MCPH1: variants seen among roughly 807,000 people sequenced by gnomAD.
MCPH1 encodes microcephalin 1.
In MCPH1, 104 loss-of-function variants were observed where a neutral mutation model predicts 84.5. The ratio of observed to expected loss-of-function variants is 1.23; its 90% CI spans 1.05 to 1.45. The LOEUF is 1.45. Ranked by LOEUF, MCPH1 falls within the 40% of genes most tolerant of loss-of-function variation. The pLI, the probability that MCPH1 is intolerant of heterozygous loss-of-function variation, is 0.00. For synonymous variants in MCPH1, 514 were observed against 366.8 expected (o/e 1.40, Z -4.58); for missense variants, 1,498 against 1,005.7 (o/e 1.49, Z -6.62).
chr8:6,482,616 G>A (rs1407213743), intron 11 of MCPH1, among the ~76,000 whole-genome samples: 4 of 152,216 alleles, frequency 2.6e-5, no homozygotes, highest in African/African-American at 9.6e-5. Flanking sequence ...TCTGGGACTT[G>A]GAGCAGTCCA....
intron 3 of MCPH1, among the ~76,000 whole-genome samples, chr8:6,421,185 G>C (rs1406419039): frequency 1.3e-5 from 2 of 152,096 alleles, no homozygotes; most frequent in Admixed American, 1.3e-4. Context: ...GTGCATGCCC[G>C]GGAAATGGCC....
intron 11 of MCPH1, among the ~76,000 whole-genome samples, chr8:6,496,723 T>C (rs1811274887): frequency 1.3e-5 from 2 of 152,188 alleles, no homozygotes; most frequent in African/African-American, 2.4e-5. Context: ...AAATTGTGAA[T>C]GTTAATAAAT....
intron 12 of MCPH1, among the ~76,000 whole-genome samples, chr8:6,536,840 G>T (rs932579033): frequency 1.3e-5 from 2 of 152,002 alleles, no homozygotes; most frequent in African/African-American, 4.8e-5. Context: ...TTATTTTCTA[G>T]TTTATTGTCC....
At chr8:6,587,637 G>A (rs1828103703) in intron 12 of MCPH1, among the ~76,000 whole-genome samples, 3 of 152,110 alleles carry the variant, frequency 2.0e-5, no homozygotes. Context: ...GCAGTCTTGG[G>A]GCCTGGATGG....
intron 13 of MCPH1, among the ~76,000 whole-genome samples, chr8:6,631,557 G>A (rs1266132125): frequency 6.6e-6 from 1 of 151,222 alleles, no homozygotes; most frequent in Non-Finnish European, 1.5e-5. Flanking sequence ...ATAGGCAAAT[G>A]AAAAGATGCT....
At chr8:6,414,613 G>C in intron 2 of MCPH1, 152 bp from the exon 3 acceptor site, 2 of 698,276 alleles carry the variant, frequency 2.9e-6, no homozygotes, top group Non-Finnish European at 2.3e-6. Context: ...AACTGGAACA[G>C]ATATGTTTTA....
rs1210952781 is a variant in MCPH1, at chr8:6,523,007, T to C, written c.2214+23078T>C. On this transcript the variant is annotated intron_variant, in intron 12 of 13. Transcript: ENST00000344683. ...CAAGCCCTTGAAAAGTTTTTTTTTT[T>C]CTTTTTTTGAGATGGAGTCTCGCTC... Among the ~76,000 whole-genome samples, 3 of 152,062 alleles carry C rather than the reference T, an allele frequency of 2.0e-5. No homozygotes were observed. The East Asian group carries it at 5.8e-4, about 29-fold the overall frequency.
At chr8:6,535,425 T>G (rs73507126) in intron 12 of MCPH1, among the ~76,000 whole-genome samples, 3,351 of 152,244 alleles carry the variant, frequency 0.022, 128 homozygotes, top group African/African-American at 0.076. Context: ...ATAAAAACAA[T>G]AGAATGCAAG....
At chr8:6,466,452 C>A (rs527313493) in intron 9 of MCPH1, among the ~76,000 whole-genome samples, 3 of 152,198 alleles carry the variant, frequency 2.0e-5, no homozygotes, top group Admixed American at 2.0e-4. Context: ...GGAGTACAGG[C>A]GCGTGCCACC....
intron 2 of MCPH1, among the ~76,000 whole-genome samples, chr8:6,412,906 G>A (rs1798738126): frequency 6.6e-6 from 1 of 152,170 alleles, no homozygotes; most frequent in African/African-American, 2.4e-5. Context: ...ACAATGAAAA[G>A]AAAGAGAAAC....
chr8:6,591,432 C>T (rs1297332809), intron 12 of MCPH1, among the ~76,000 whole-genome samples: 3 of 152,084 alleles, frequency 2.0e-5, no homozygotes, highest in East Asian at 1.9e-4. Flanking sequence ...ACTGCTGGCC[C>T]GTGAAGCCAT....
At chr8:6,536,301 G>C (rs1034815176) in intron 12 of MCPH1, among the ~76,000 whole-genome samples, 1 of 152,102 alleles carries the variant, frequency 6.6e-6, no homozygotes, top group African/African-American at 2.4e-5. Flanking sequence ...CGGGATCCCA[G>C]GCGCCTCACA....
intron 2 of MCPH1, among the ~76,000 whole-genome samples, chr8:6,412,081 G>C (rs766849880): frequency 9.8e-5 from 15 of 152,328 alleles, no homozygotes; most frequent in African/African-American, 2.6e-4. Context: ...ACCAGGCAAA[G>C]AGTGGGTGCT....
At chr8:6,471,593 C>G (rs1161685694) in intron 9 of MCPH1, among the ~76,000 whole-genome samples, 1 of 152,130 alleles carries the variant, frequency 6.6e-6, no homozygotes, top group Non-Finnish European at 1.5e-5. Context: ...ATACTGTAAA[C>G]AAAAGCCGCA....
chr8:6,536,548 A>G (rs1387477739), intron 12 of MCPH1, among the ~76,000 whole-genome samples: 2 of 152,206 alleles, frequency 1.3e-5, no homozygotes, highest in African/African-American at 4.8e-5. Flanking sequence ...ATTAAAGATG[A>G]CCAATGCCAA....
At chr8:6,558,894 A>C (rs1029775199) in intron 12 of MCPH1, among the ~76,000 whole-genome samples, 1 of 152,164 alleles carries the variant, frequency 6.6e-6, no homozygotes, top group Non-Finnish European at 1.5e-5. Flanking sequence ...CATACTATAC[A>C]TATACATATC....
chr8:6,477,348 T>G, intron 9 of MCPH1: 1 of 470,202 alleles, frequency 2.1e-6, no homozygotes, highest in Non-Finnish European at 3.8e-6. Flanking sequence ...TGGGGGAAAT[T>G]TTTTTGTTTT....
rs58247501 is a variant in MCPH1 at position 6,470,325 on chromosome 8, C to G, written c.1936-7269C>G. ...TCGAGACAAAGTCTCGCTCTGTCAC[C>G]CAGGCTGGAGTGCAGTGGCGCGATC... On this transcript the variant is annotated intron_variant, in intron 9 of 13. Transcript: ENST00000344683. Among the ~76,000 whole-genome samples the G allele has an allele frequency of 3.6e-4, 55 of 151,986 alleles. 3 individuals carry two copies. The East Asian group carries it at 9.9e-3, about 27-fold the overall frequency.
Position 6,579,272 on chromosome 8 carries a change from T to C in MCPH1, c.2215-42182T>C, listed in dbSNP as rs138689214. On this transcript the variant is annotated intron_variant, in intron 12 of 13. Coordinates refer to ENST00000344683, the MANE Select transcript of MCPH1 (RefSeq NM_024596.5). Reference sequence around the variant, plus strand: ...GCAGAGTTCCAGGTATGGTGTCTGATGCGTGAGTTCGCCCCCTTTCCCGGT... The same window carrying C: ...GCAGAGTTCCAGGTATGGTGTCTGACGCGTGAGTTCGCCCCCTTTCCCGGT... 1.8e-3 allele frequency among the ~76,000 whole-genome samples: 269 copies of C among 152,372 alleles called. 2 individuals are homozygous for C. The highest frequency in any genetic ancestry group is 6.2e-3 in the African/African-American group (258 of 41,592).
Sources: gnomAD v4.1 joint callset for allele counts (sites outside exome capture counted in the v4.1 genomes callset) on GRCh38, gnomAD v4.1.1 for gene constraint, MANE v1.5 for transcripts, NCBI Gene and HGNC (gene_info 2026-07-23, HGNC 2026-07-21) for gene names.